Variants in TMTC4 observed in about 807,000 individuals in gnomAD.
TMTC4 encodes the protein protein O-mannosyl-transferase TMTC4.
TMTC4 carries 65 observed loss-of-function variants against 86.0 expected under a neutral mutation model. The ratio of observed to expected loss-of-function variants is 0.76; its 90% CI spans 0.62 to 0.93. The LOEUF (loss-of-function observed/expected upper bound fraction) is 0.93, where lower values mean the gene tolerates loss of function less well. Among genes scored for constraint, TMTC4 ranks in the 40% least tolerant of loss-of-function variants. The probability of loss-of-function intolerance (pLI) is 0.00; values close to 1 mark genes in which losing one functional copy is unlikely to be tolerated. For synonymous variants in TMTC4, 379 were observed against 382.5 expected, an observed-to-expected ratio of 0.99 and a Z score of 0.11; for missense variants, 866 against 948.1, an observed-to-expected ratio of 0.91 and a Z score of 1.14.
intron 1 of TMTC4, among the ~76,000 whole-genome samples, chr13:100,673,818 C>T (rs918739794): frequency 3.9e-5 from 6 of 152,196 alleles, no homozygotes; most frequent in Non-Finnish European, 5.9e-5. Context: ...TTACCCCACT[C>T]CATCTGGGGC....
intron 6 of TMTC4, among the ~76,000 whole-genome samples, chr13:100,652,178 C>A (rs529042344): frequency 9.9e-5 from 15 of 151,382 alleles, no homozygotes; most frequent in Non-Finnish European, 1.9e-4. Flanking sequence ...ACAACAACAA[C>A]AAACAAACAA....
chr13:100,642,091 G>C, intron 7 of TMTC4, 120 bp downstream of exon 7: 1 of 981,382 alleles, frequency 1.0e-6, no homozygotes, highest in Non-Finnish European at 1.5e-6. Flanking sequence ...TATCACCTCA[G>C]GCCAGCAATG....
At chr13:100,612,996 T>C (rs1877885481) in intron 16 of TMTC4, among the ~76,000 whole-genome samples, 1 of 152,206 alleles carries the variant, frequency 6.6e-6, no homozygotes, top group Non-Finnish European at 1.5e-5. Flanking sequence ...ACTGTACATA[T>C]TGATGGGGTG....
intron 1 of TMTC4, chr13:100,674,384 GGCGCCGGGT>G: frequency 2.1e-6 from 2 of 962,544 alleles, no homozygotes; most frequent in Non-Finnish European, 2.5e-6. Flanking sequence ...ACGCGCCGCA[GGCGCCGGGT>G]GCGCCCGGGC....
At chr13:100,659,207 G>A (rs569689357) in intron 5 of TMTC4, among the ~76,000 whole-genome samples, 5 of 152,272 alleles carry the variant, frequency 3.3e-5, no homozygotes, top group African/African-American at 9.6e-5. Context: ...TTCCCCTCCC[G>A]ATTCCTTCTG....
chr13:100,632,469 C>T (rs931921831), intron 12 of TMTC4, among the ~76,000 whole-genome samples: 19 of 152,036 alleles, frequency 1.2e-4, no homozygotes, highest in African/African-American at 2.9e-4. Flanking sequence ...GCAATTACTG[C>T]GATTCAAACA....
At chr13:100,652,118 T>C (rs1884535659) in intron 6 of TMTC4, among the ~76,000 whole-genome samples, 1 of 151,750 alleles carries the variant, frequency 6.6e-6, no homozygotes, top group Admixed American at 6.6e-5. Context: ...TGAGCCAAGA[T>C]CGTGCCACTG....
At chr13:100,616,183 G>T (rs1452530791) in intron 15 of TMTC4, among the ~76,000 whole-genome samples, 1 of 151,990 alleles carries the variant, frequency 6.6e-6, no homozygotes, top group Non-Finnish European at 1.5e-5. Flanking sequence ...TGTGAATAGT[G>T]ATTGATGAAC....
At chr13:100,668,892 A>G in intron 2 of TMTC4, 98 bp from the exon 3 acceptor site, 1 of 1,213,636 alleles carries the variant, frequency 8.2e-7, no homozygotes. Flanking sequence ...CATTTATGCT[A>G]TGATTTTATA....
At chr13:100,648,663 T>C (rs1884050111) in intron 6 of TMTC4, among the ~76,000 whole-genome samples, 1 of 152,210 alleles carries the variant, frequency 6.6e-6, no homozygotes, top group Non-Finnish European at 1.5e-5. Flanking sequence ...CCTACCGGAT[T>C]AGTCACTCAA....
chr13:100,656,185 A>G (rs957071711), intron 6 of TMTC4, among the ~76,000 whole-genome samples, 196 bp downstream of exon 6: 1 of 152,252 alleles, frequency 6.6e-6, no homozygotes, highest in African/African-American at 2.4e-5. Context: ...CACCAGTGTC[A>G]GAGCTTTGCA....
chr13:100,635,113 C>T lies in TMTC4; in HGVS notation c.1285G>A (p.Ala429Thr), dbSNP rs759063757. ...NLFFRVGFVV[A>T]ERVLYLPSVG... ...CTGGGGAGGTAGAGGACACGCTCTG[C>T]GACCACGAAGCCCACTCGGAAGAAC... Residue 429 changes from alanine to threonine, a missense_variant, in exon 11 of 19, where the codon GCA becomes ACA. Ala to Thr is a moderately conservative substitution (Grantham distance 58). Transcript: ENST00000342624. The T allele has an allele frequency of 3.1e-5, 50 of 1,614,084 alleles. No individual in the cohort carries two copies. Among genetic ancestry groups the T allele is most frequent in the African/African-American group, 6.7e-5 (5 of 75,018 alleles).
At chr13:100,627,266 T>A (rs1027742856) in intron 12 of TMTC4, among the ~76,000 whole-genome samples, 5 of 152,160 alleles carry the variant, frequency 3.3e-5, no homozygotes, top group Admixed American at 3.3e-4. Context: ...CAGGCTAGGA[T>A]CAGTCGTTGT....
chr13:100,606,758 G>T (rs185942085), intron 17 of TMTC4, among the ~76,000 whole-genome samples: 84 of 152,300 alleles, frequency 5.5e-4, no homozygotes, highest in Non-Finnish European at 9.6e-4. Flanking sequence ...GGGAACAGGA[G>T]AAGGCTGAGC....
intron 15 of TMTC4, among the ~76,000 whole-genome samples, chr13:100,620,776 G>T (rs905221385): frequency 6.6e-6 from 1 of 152,138 alleles, no homozygotes; most frequent in Admixed American, 6.5e-5. Flanking sequence ...CCATATTGGG[G>T]TCTAGAAATC....
At chr13:100,630,320 A>G (rs539499066) in intron 12 of TMTC4, among the ~76,000 whole-genome samples, 7 of 152,088 alleles carry the variant, frequency 4.6e-5, no homozygotes, top group Non-Finnish European at 1.0e-4. Context: ...AAGCATATAG[A>G]TTTATGTTTA....
At chr13:100,616,286 C>G (rs1405733021) in intron 15 of TMTC4, among the ~76,000 whole-genome samples, 1 of 152,094 alleles carries the variant, frequency 6.6e-6, no homozygotes, top group Non-Finnish European at 1.5e-5. Flanking sequence ...TCACTGCAAC[C>G]TCCACCTCCC....
At chr13:100,674,684 C>T in intron 1 of TMTC4, 60 bp downstream of exon 1, 1 of 983,102 alleles carries the variant, frequency 1.0e-6, no homozygotes, top group Non-Finnish European at 1.2e-6. Flanking sequence ...GCCCGCTCCG[C>T]GTCCAACTCC....
intron 1 of TMTC4, among the ~76,000 whole-genome samples, chr13:100,672,079 G>T (rs1401775652): frequency 1.3e-5 from 2 of 152,130 alleles, no homozygotes; most frequent in African/African-American, 4.8e-5. Flanking sequence ...GAAGGTGGTG[G>T]TAAGGATTAA....
Sources: gnomAD v4.1 joint callset for allele counts (sites outside exome capture counted in the v4.1 genomes callset) on GRCh38, gnomAD v4.1.1 for gene constraint, MANE v1.5 for transcripts, NCBI Gene and HGNC (gene_info 2026-07-23, HGNC 2026-07-21) for gene names.